PUS10: variants seen among roughly 807,000 people sequenced by gnomAD.
PUS10 encodes pseudouridine synthase 10, also known as tRNA pseudouridine synthase Pus10.
Under a neutral mutation model 75.0 loss-of-function variants are expected in PUS10, and 59 were observed. The observed-to-expected ratio is 0.79, with a 90% CI of 0.64 to 0.98. The LOEUF is 0.98. Ranked by LOEUF, PUS10 falls within the 50% of genes least tolerant of loss-of-function variation. The pLI, the probability that PUS10 is intolerant of heterozygous loss-of-function variation, is 0.00. For synonymous variants in PUS10, 219 were observed against 211.6 expected, an observed-to-expected ratio of 1.03 and a Z score of -0.30; for missense variants, 650 against 614.4, an observed-to-expected ratio of 1.06 and a Z score of -0.61.
At position 61,008,745 on chromosome 2, in the gene PUS10, A is replaced by G. The variant is rs768710616; in HGVS notation, c.381+16T>C. The G allele has an allele frequency of 1.3e-6, 2 of 1,534,312 alleles. No homozygotes were observed. Among genetic ancestry groups the G allele is most frequent in the South Asian group, 2.4e-5 (2 of 81,926 alleles). ...CTCTACATAATTGCACCTATAATGAAAAACAGGTTATTTACCTTTTTAATG... is the reference window on the plus strand; with the variant it reads ...CTCTACATAATTGCACCTATAATGAGAAACAGGTTATTTACCTTTTTAATG... On this transcript the variant is annotated intron_variant, in intron 3 of 17. Transcript: ENST00000316752.
At chr2:60,971,865 CTTTTTTTTTTTTT>C (rs756222357) in intron 4 of PUS10, among the ~76,000 whole-genome samples, 3 of 99,638 alleles carry the variant, frequency 3.0e-5, no homozygotes, top group African/African-American at 8.7e-5. Flanking sequence ...TCTTTCTTCT[CTTTTTTTTTTTTT>C]TTTTTTTTTT....
In PUS10 at chr2:60,941,648, A is replaced by G. The variant is rs1372532566; in HGVS notation, c.*747T>C. The stretch of plus-strand genomic sequence containing the variant: ...AATTTTTCAAATTCTTAACCCTGGG[A>G]TTGAAGTTATTAAAGGCACTTGTTT... On this transcript the variant is annotated 3_prime_UTR_variant, in exon 18 of 18. Coordinates refer to ENST00000316752, the MANE Select transcript of PUS10 (RefSeq NM_144709.4). 6.6e-6 allele frequency: 1 copy of G among 152,224 alleles called. No homozygotes were observed. Among genetic ancestry groups the G allele is most frequent in the Non-Finnish European group, 1.5e-5 (1 of 67,984 alleles). The allele number at this position is 152,224 out of a possible 1,614,324, so 9.4% of individuals were successfully genotyped here.
At chr2:61,003,910 T>C (rs897678148) in intron 4 of PUS10, among the ~76,000 whole-genome samples, 1 of 152,164 alleles carries the variant, frequency 6.6e-6, no homozygotes, top group Non-Finnish European at 1.5e-5. Context: ...ATATAATAAA[T>C]ACTACCATAT....
intron 14 of PUS10, among the ~76,000 whole-genome samples, chr2:60,953,480 T>G (rs771242714): frequency 6.6e-6 from 1 of 152,250 alleles, no homozygotes; most frequent in Non-Finnish European, 1.5e-5. Flanking sequence ...CATTTCATAA[T>G]GTTTTCAAGG....
intron 16 of PUS10, among the ~76,000 whole-genome samples, 180 bp from the exon 17 acceptor site, chr2:60,945,288 C>G (rs1674874965): frequency 6.6e-6 from 1 of 152,174 alleles, no homozygotes; most frequent in African/African-American, 2.4e-5. Context: ...GCCTGGCAGC[C>G]AACATCAGAG....
At position 61,008,762 on chromosome 2, in the gene PUS10, T is replaced by C. The variant is rs2104712768; in HGVS notation, c.380A>G (p.Lys127Arg). The C allele has an allele frequency of 6.4e-7, 1 of 1,567,654 alleles. No individual in the cohort carries two copies. Residue 127 changes from lysine (K) to arginine (R), a missense_variant and splice_region_variant, in exon 3 of 18, where the codon AAG becomes AGG. Lys to Arg is a conservative substitution (Grantham distance 26). Transcript: ENST00000316752. ...TATAATGAAAAACAGGTTATTTACC[T>C]TTTTAATGAAATCTTTCTCACAGAA... is the stretch of plus-strand genomic sequence containing the variant. ...QEFCEKDFIK[K>R]VCQKVEASGF...
At chr2:61,016,381 C>A (rs1679978574) in intron 1 of PUS10, among the ~76,000 whole-genome samples, 1 of 152,158 alleles carries the variant, frequency 6.6e-6, no homozygotes, top group South Asian at 2.1e-4. Context: ...GGAGAAAATA[C>A]GTTACGTCTT....
intron 4 of PUS10, 30 bp from the exon 5 acceptor site, chr2:60,971,587 A>G: frequency 6.2e-7 from 1 of 1,607,024 alleles, no homozygotes; most frequent in Non-Finnish European, 8.5e-7. Flanking sequence ...ACCCAGAAAG[A>G]GAAAAGGGGG....
In PUS10 at chr2:60,945,254, G is replaced by T. The variant is rs1674871322; in HGVS notation, c.1452-146C>A. Reference sequence around the variant, plus strand: ...CTGACTTGTGTGTCTTAAAAAATAAGCTTTGGCAATGTGGTCCCTAGTAGC... The same window carrying T: ...CTGACTTGTGTGTCTTAAAAAATAATCTTTGGCAATGTGGTCCCTAGTAGC... On this transcript the variant is annotated intron_variant, in intron 16 of 17. Coordinates refer to ENST00000316752, the MANE Select transcript of PUS10 (RefSeq NM_144709.4). 7 of 552,362 alleles carry T rather than the reference G, an allele frequency of 1.3e-5. No homozygotes were observed. The East Asian group carries it at 2.0e-4, about 15-fold the overall frequency. The allele number at this position is 552,362 out of a possible 1,614,324, so 34.2% of individuals were successfully genotyped here.
At chr2:60,965,664 G>GT (rs924612141) in intron 6 of PUS10, 180 bp from the exon 7 acceptor site, 20,734 of 354,410 alleles carry the variant, frequency 0.059, no homozygotes, top group Middle Eastern at 0.082. Context: ...AAATAGTTTT[G>GT]TTTTTTTTTT....
intron 2 of PUS10, chr2:61,010,751 G>A: frequency 6.5e-7 from 1 of 1,546,868 alleles, no homozygotes; most frequent in South Asian, 1.2e-5. Flanking sequence ...TGGTGGAACT[G>A]GGATTCAAAT....
In PUS10 at chr2:61,011,821, A is replaced by C. The variant is rs375189861; in HGVS notation, c.70T>G (p.Cys24Gly). ...LLLNTGTCPRCIFRFCGVDFH... is the reference protein window; with the variant it reads ...LLLNTGTCPRGIFRFCGVDFH... The stretch of plus-strand genomic sequence containing the variant: ...TCCACACCACAGAATCTGAAGATAC[A>C]TCTTGGACAAGTACCAGTATTGAGC... Residue 24 changes from cysteine to glycine, a missense_variant, in exon 2 of 18, where the codon TGT (cysteine) becomes GGT (glycine). Coordinates refer to ENST00000316752, the MANE Select transcript of PUS10 (RefSeq NM_144709.4). 3 of 1,611,532 alleles carry C rather than the reference A, an allele frequency of 1.9e-6. No individual in the cohort carries two copies. The African/African-American group carries it at 4.0e-5, about 22-fold the overall frequency.
intron 4 of PUS10, among the ~76,000 whole-genome samples, chr2:61,003,419 G>A (rs893520832): frequency 8.2e-5 from 12 of 146,726 alleles, no homozygotes; most frequent in Admixed American, 2.1e-4. Context: ...CAGAGACTGC[G>A]CCACTGCACT....
chr2:60,950,013 G>C (rs1675236420), intron 15 of PUS10, among the ~76,000 whole-genome samples: 2 of 152,150 alleles, frequency 1.3e-5, no homozygotes, highest in African/African-American at 2.4e-5. Context: ...TCAATGACTT[G>C]TACGACCCAT....
At chr2:60,954,921 C>T in intron 12 of PUS10, 97 bp downstream of exon 12, 1 of 780,814 alleles carries the variant, frequency 1.3e-6, no homozygotes, top group Non-Finnish European at 2.0e-6. Context: ...GCCTTGCTCA[C>T]TTTGTTTTTC....
At chr2:60,981,878 T>C (rs1677416205) in intron 4 of PUS10, among the ~76,000 whole-genome samples, 1 of 152,122 alleles carries the variant, frequency 6.6e-6, no homozygotes, top group Non-Finnish European at 1.5e-5. Context: ...ACTATAAAAA[T>C]ACTTTTGACC....
chr2:60,995,275 T>C (rs1678377059), intron 4 of PUS10, among the ~76,000 whole-genome samples: 1 of 152,216 alleles, frequency 6.6e-6, no homozygotes, highest in Non-Finnish European at 1.5e-5. Context: ...GCCATGAAGA[T>C]ATTCAATAAC....
intron 4 of PUS10, among the ~76,000 whole-genome samples, chr2:60,999,590 G>A (rs1192058553): frequency 2.0e-5 from 3 of 152,082 alleles, no homozygotes; most frequent in African/African-American, 7.2e-5. Flanking sequence ...ACTGCACTCT[G>A]GCCTGGGTGA....
rs781049477 is a variant in PUS10, at chr2:60,942,434, C to T, written c.1552-1G>A. ...CAGGTGGCCAGTCAACATCTACAGA[C>T]TAGAAGGGAGAAAAGAAGTCATTAA... On this transcript the variant is annotated splice_acceptor_variant, in intron 17 of 17. Transcript: ENST00000316752. LOFTEE classifies it high-confidence loss of function. 4 of 1,611,266 alleles carry T rather than the reference C, an allele frequency of 2.5e-6. No homozygotes were observed. The African/African-American group carries it at 4.0e-5, about 16-fold the overall frequency.
Sources: allele counts gnomAD v4.1 joint callset (sites outside exome capture counted in the v4.1 genomes callset), GRCh38; gene constraint gnomAD v4.1.1; transcripts MANE v1.5; gene names NCBI Gene and HGNC (gene_info 2026-07-23, HGNC 2026-07-21).